ZNF680: variants seen among roughly 807,000 people sequenced by gnomAD.
ZNF680 encodes hypothetical protein FLJ90430.
Under a neutral mutation model 12.1 loss-of-function variants are expected in ZNF680, and 6 were observed. That is an observed-to-expected ratio of 0.49 (90% CI 0.27 to 0.98). The LOEUF (loss-of-function observed/expected upper bound fraction) is 0.98. Among genes scored for constraint, ZNF680 ranks in the 50% least tolerant of loss-of-function variants. The pLI is 0.12. For missense variants in ZNF680, 561 were observed against 616.3 expected (o/e 0.91, Z 0.95); for synonymous variants, 170 against 199.3 (o/e 0.85, Z 1.24).
chr7:64,499,323 A>C, the ZNF680 span, among the ~76,000 whole-genome samples: 1 of 152,186 alleles, frequency 6.6e-6, no homozygotes, highest in African/African-American at 2.4e-5. Flanking sequence ...TTGAAGCTCC[A>C]AGTGATAGAG....
chr7:64,549,992 C>A (rs1004895717), intron 1 of ZNF680, among the ~76,000 whole-genome samples: 2 of 151,988 alleles, frequency 1.3e-5, no homozygotes, highest in Admixed American at 1.3e-4. Flanking sequence ...TCAAAAAAAA[C>A]AAAAACAAAA....
the ZNF680 span, among the ~76,000 whole-genome samples, chr7:64,500,653 G>A: frequency 9.7e-4 from 148 of 152,334 alleles, 1 homozygote; most frequent in African/African-American, 3.0e-3. Context: ...TTGGTCAGAA[G>A]TAATGGGGCT....
downstream of ZNF680, among the ~76,000 whole-genome samples, chr7:64,515,339 C>A (rs1791328400): frequency 1.3e-5 from 2 of 151,672 alleles, no homozygotes; most frequent in South Asian, 2.1e-4. Context: ...AACTAGCACC[C>A]CCCCCTAAAA....
downstream of ZNF680, among the ~76,000 whole-genome samples, chr7:64,516,704 G>C (rs1425347919): frequency 6.6e-6 from 1 of 152,070 alleles, no homozygotes; most frequent in Non-Finnish European, 1.5e-5. Flanking sequence ...CTCCAAGACA[G>C]AACATATGAT....
At chr7:64,537,636 C>G in intron 3 of ZNF680, among the ~76,000 whole-genome samples, 1 of 152,046 alleles carries the variant, frequency 6.6e-6, no homozygotes. Flanking sequence ...AGATAAAAAA[C>G]AGAATAGACG....
intron 1 of ZNF680, among the ~76,000 whole-genome samples, chr7:64,545,034 G>A (rs536754144): frequency 1.3e-5 from 2 of 152,108 alleles, no homozygotes; most frequent in African/African-American, 2.4e-5. Flanking sequence ...CGAGGCAGGC[G>A]GATCACCTGA....
At chr7:64,546,065 A>G (rs1177800963) in intron 1 of ZNF680, among the ~76,000 whole-genome samples, 1 of 152,212 alleles carries the variant, frequency 6.6e-6, no homozygotes, top group Non-Finnish European at 1.5e-5. Context: ...CTTGACTATT[A>G]TAATGAATTT....
chr7:64,538,478 T>C (rs1403984010), intron 3 of ZNF680, among the ~76,000 whole-genome samples: 1 of 151,446 alleles, frequency 6.6e-6, no homozygotes, highest in Non-Finnish European at 1.5e-5. Context: ...TTCATCAAAT[T>C]GATACAAATG....
chr7:64,545,450 T>C (rs1406226020), intron 1 of ZNF680, among the ~76,000 whole-genome samples: 3 of 151,966 alleles, frequency 2.0e-5, no homozygotes, highest in Admixed American at 6.6e-5. Context: ...TAATGAAAAG[T>C]AATTAACTAT....
intron 3 of ZNF680, among the ~76,000 whole-genome samples, chr7:64,538,047 A>G (rs1786271028): frequency 6.6e-6 from 1 of 152,200 alleles, no homozygotes; most frequent in South Asian, 2.1e-4. Flanking sequence ...AGAAAAGATA[A>G]TCTTTTCAAA....
intron 3 of ZNF680, among the ~76,000 whole-genome samples, chr7:64,537,754 T>C (rs374281101): frequency 8.3e-4 from 120 of 145,454 alleles, no homozygotes; most frequent in African/African-American, 2.0e-3. Context: ...AGTGAAACCC[T>C]GTCTCTACTA....
Position 64,531,084 on chromosome 7 carries a change from T to A in ZNF680, c.254-8584A>T, listed in dbSNP as rs111997876. ...GAACTAGACAGATCAAGACAGAAAA[T>A]TAACAAAGAAACAACGGACTTAAAC... is the stretch of plus-strand genomic sequence containing the variant. On this transcript the variant is annotated intron_variant, in intron 3 of 3. Transcript: ENST00000309683. 7.4e-3 allele frequency among the ~76,000 whole-genome samples: 1,129 copies of A among 151,746 alleles called. 5 individuals are homozygous for A. Among genetic ancestry groups the A allele is most frequent in the Non-Finnish European group, 0.011 (747 of 67,932 alleles).
chr7:64,547,713 T>A (rs1327492834), intron 1 of ZNF680, among the ~76,000 whole-genome samples: 5 of 152,128 alleles, frequency 3.3e-5, no homozygotes, highest in African/African-American at 9.7e-5. Flanking sequence ...TTAGAAAAAA[T>A]TTTTATTGTG....
At chr7:64,550,229 T>C (rs898752999) in intron 1 of ZNF680, among the ~76,000 whole-genome samples, 1 of 152,200 alleles carries the variant, frequency 6.6e-6, no homozygotes, top group Non-Finnish European at 1.5e-5. Flanking sequence ...TGGCTATACA[T>C]TGTTAAGCTA....
At chr7:64,530,391 A>G (rs1785796023) in intron 3 of ZNF680, among the ~76,000 whole-genome samples, 1 of 152,232 alleles carries the variant, frequency 6.6e-6, no homozygotes. Flanking sequence ...ATAAGAATTA[A>G]CCAACCATCT....
intron 1 of ZNF680, among the ~76,000 whole-genome samples, chr7:64,550,767 C>T (rs536425605): frequency 3.9e-5 from 6 of 152,178 alleles, no homozygotes; most frequent in African/African-American, 1.4e-4. Flanking sequence ...ATTCTGCCTG[C>T]GTATTTAGGG....
At chr7:64,525,816 T>A in intron 3 of ZNF680, 1 of 984,196 alleles carries the variant, frequency 1.0e-6, no homozygotes, top group Non-Finnish European at 1.2e-6. Flanking sequence ...TTAGGAGAAT[T>A]TCTATGACTT....
intron 3 of ZNF680, among the ~76,000 whole-genome samples, chr7:64,527,169 C>T (rs944668514): frequency 6.6e-6 from 1 of 151,968 alleles, no homozygotes; most frequent in African/African-American, 2.4e-5. Flanking sequence ...ACCCAGGAGG[C>T]GGAGGCTGCA....
At chr7:64,533,820 A>G (rs1786015883) in intron 3 of ZNF680, among the ~76,000 whole-genome samples, 1 of 152,234 alleles carries the variant, frequency 6.6e-6, no homozygotes, top group Non-Finnish European at 1.5e-5. Context: ...AAATCGGCAC[A>G]TAGAACAACG....
Sources: allele counts gnomAD v4.1 joint callset (sites outside exome capture counted in the v4.1 genomes callset), GRCh38; gene constraint gnomAD v4.1.1; transcripts MANE v1.5; gene names NCBI Gene and HGNC (gene_info 2026-07-23, HGNC 2026-07-21).